COL5A1: variants seen among roughly 807,000 people sequenced by gnomAD.
The protein encoded by COL5A1 is collagen type V alpha 1 chain.
A neutral mutation model predicts 263.7 loss-of-function variants in COL5A1; 16 were observed. The observed-to-expected ratio is 0.06, with a 90% CI of 0.04 to 0.09. The LOEUF (loss-of-function observed/expected upper bound fraction) is 0.09. Ranked by LOEUF, COL5A1 falls within the 10% of genes least tolerant of loss-of-function variation. The pLI, the probability that COL5A1 is intolerant of heterozygous loss-of-function variation, is 1.00. For synonymous variants in COL5A1, 1,012 were observed against 1,004.5 expected (o/e 1.01, Z -0.14); for missense variants, 2,036 against 2,540.5 (o/e 0.80, Z 4.27).
intron 61 of COL5A1, among the ~76,000 whole-genome samples, chr9:134,823,913 TATG>T (rs1434730427): frequency 1.3e-5 from 2 of 149,254 alleles, no homozygotes; most frequent in Admixed American, 1.6e-4. Context: ...GTGGGGCACA[TATG>T]TGTGTGCATG....
chr9:134,664,812 A>C (rs1832309053), intron 1 of COL5A1, among the ~76,000 whole-genome samples: 1 of 152,210 alleles, frequency 6.6e-6, no homozygotes, highest in Admixed American at 6.5e-5. Flanking sequence ...CTATATTTCC[A>C]GCACTTTGGG....
intron 65 of COL5A1, among the ~76,000 whole-genome samples, chr9:134,839,673 C>T (rs1455976919): frequency 6.6e-6 from 1 of 152,162 alleles, no homozygotes; most frequent in African/African-American, 2.4e-5. Context: ...TGGGACTGGG[C>T]CAGGGAGCAG....
chr9:134,646,486 C>T (rs1831479125), intron 1 of COL5A1, among the ~76,000 whole-genome samples: 1 of 152,208 alleles, frequency 6.6e-6, no homozygotes, highest in African/African-American at 2.4e-5. Flanking sequence ...CACCGTGTCC[C>T]AGAGCTCTCC....
intron 1 of COL5A1, among the ~76,000 whole-genome samples, chr9:134,679,083 C>A (rs971579202): frequency 2.6e-5 from 4 of 152,214 alleles, no homozygotes; most frequent in African/African-American, 9.7e-5. Flanking sequence ...TACTTGACAC[C>A]CTTAAAGTGA....
intron 1 of COL5A1, among the ~76,000 whole-genome samples, chr9:134,670,766 A>G (rs1832516561): frequency 6.6e-6 from 1 of 152,170 alleles, no homozygotes; most frequent in Admixed American, 6.5e-5. Flanking sequence ...CATTCACTAG[A>G]TGCTCATTAC....
Position 134,654,707 on chromosome 9 carries a change from GTGTGTAGGGCTGTAGA to G in COL5A1, c.109+12424_109+12439del, listed in dbSNP as rs1257650334. Among the ~76,000 whole-genome samples, 17 of 140,988 alleles carry G rather than the reference GTGTGTAGGGCTGTAGA, an allele frequency of 1.2e-4. 1 individual carries two copies. The highest frequency in any genetic ancestry group is 2.7e-4 in the African/African-American group (10 of 37,396). 92.5% of individuals were successfully genotyped at this position (140,988 alleles called of 152,430 possible). ...AGAGCTGGTGTGTGTAGGGCTGTAGGTGTGTAGGGCTGTAGATGTGTAGGGCTGGGGTGTGTGTAGG... is the reference window on the plus strand; with the variant it reads ...AGAGCTGGTGTGTGTAGGGCTGTAGGTGTGTAGGGCTGGGGTGTGTGTAGG... On this transcript the variant is annotated intron_variant, in intron 1 of 65. Coordinates refer to ENST00000371817, the MANE Select transcript of COL5A1 (RefSeq NM_000093.5).
At position 134,765,102 on chromosome 9, in the gene COL5A1, G is replaced by A. The variant is rs1207735013; in HGVS notation, c.2035-579G>A. 1.3e-5 allele frequency among the ~76,000 whole-genome samples: 2 copies of A among 152,064 alleles called. No homozygotes were observed. The highest frequency in any genetic ancestry group is 2.9e-5 in the Non-Finnish European group (2 of 67,998). On this transcript the variant is annotated intron_variant, in intron 20 of 65. Transcript: ENST00000371817. The surrounding 1 kb of genome is among the most constrained non-coding windows in gnomAD (Gnocchi z 5.1). ...TGCACGAGCCTCGCCGACCGGAGAG[G>A]GCGTGCCAGCTCTTGCCCAGAGTAG... is the stretch of plus-strand genomic sequence containing the variant.
At position 134,842,378 on chromosome 9, in the gene COL5A1, C is replaced by A; in HGVS notation, c.*75C>A. 1 of 1,560,490 alleles carries A rather than the reference C, an allele frequency of 6.4e-7. No homozygotes were observed. Among genetic ancestry groups the A allele is most frequent in the Non-Finnish European group, 8.8e-7 (1 of 1,142,016 alleles). ...CATTCGTTCGTGAGTGTCCCGTGCACGTCCTGACCCTGGACAGTGAAGGCT... is the reference window on the plus strand; with the variant it reads ...CATTCGTTCGTGAGTGTCCCGTGCAAGTCCTGACCCTGGACAGTGAAGGCT... On this transcript the variant is annotated 3_prime_UTR_variant, in exon 66 of 66. Transcript: ENST00000371817. The surrounding 1 kb of genome is among the most constrained non-coding windows in gnomAD (Gnocchi z 5.8).
At chr9:134,777,306 G>A (rs1405198174) in intron 27 of COL5A1, among the ~76,000 whole-genome samples, 1 of 152,238 alleles carries the variant, frequency 6.6e-6, no homozygotes, top group Non-Finnish European at 1.5e-5. Context: ...CAGCCGTGCT[G>A]CAGCTCCTGA....
intron 29 of COL5A1, among the ~76,000 whole-genome samples, chr9:134,784,464 G>A (rs1837376394): frequency 6.6e-6 from 1 of 152,214 alleles, no homozygotes; most frequent in South Asian, 2.1e-4. Context: ...TGAGGAAGTT[G>A]GACGAGGCGG....
chr9:134,744,440 CAT>C (rs373195222), intron 11 of COL5A1, among the ~76,000 whole-genome samples: 83 of 152,010 alleles, frequency 5.5e-4, no homozygotes, highest in African/African-American at 9.7e-4. Flanking sequence ...CGCACACACT[CAT>C]GTGTACACGC....
chr9:134,756,870 G>A (rs1392190282), intron 17 of COL5A1, 52 bp downstream of exon 17: 5 of 1,570,614 alleles, frequency 3.2e-6, no homozygotes, highest in Non-Finnish European at 3.5e-6. Context: ...CATCCCTGGG[G>A]TCATGTTGAT....
intron 59 of COL5A1, among the ~76,000 whole-genome samples, chr9:134,822,611 C>T (rs1199771683): frequency 1.3e-5 from 2 of 152,036 alleles, no homozygotes; most frequent in Non-Finnish European, 2.9e-5. Context: ...TACACATGGC[C>T]CCCGGGGGCC....
rs535109209 is a variant in COL5A1, at chr9:134,793,329, C to T, written c.2701-1753C>T. ...GGGACTGTCCACTCCTTCCTAAGGG[C>T]AAGAAGACAGGTGCCCACAAGCAAT... On this transcript the variant is annotated intron_variant, in intron 32 of 65. Coordinates refer to ENST00000371817, the MANE Select transcript of COL5A1 (RefSeq NM_000093.5). Among the ~76,000 whole-genome samples, 254 of 152,072 alleles carry T rather than the reference C, an allele frequency of 1.7e-3. 9 individuals are homozygous for T. The South Asian group carries it at 0.051, about 30-fold the overall frequency.
chr9:134,757,801 C>T lies in COL5A1; in HGVS notation c.1882-442C>T, dbSNP rs954488000. 1.3e-5 allele frequency among the ~76,000 whole-genome samples: 2 copies of T among 152,116 alleles called. No individual in the cohort carries two copies. The highest frequency in any genetic ancestry group is 1.3e-4 in the Admixed American group (2 of 15,272). On this transcript the variant is annotated intron_variant, in intron 17 of 65. Transcript: ENST00000371817. This position sits in a 1 kb window ranked among gnomAD's most constrained non-coding sequence, Gnocchi z 6.2. ...TGCCTGAGGGTAGCCAGTGCTGGCC[C>T]GTCCACCAATGGGTACGCGTACCTC...
intron 38 of COL5A1, among the ~76,000 whole-genome samples, 185 bp from the exon 39 acceptor site, chr9:134,802,703 G>A (rs559577390): frequency 2.0e-4 from 31 of 152,352 alleles, no homozygotes; most frequent in African/African-American, 6.3e-4. Context: ...AGTGAGCAGC[G>A]TACCAACACC....
chr9:134,803,256 G>A (rs755520702), intron 39 of COL5A1, among the ~76,000 whole-genome samples: 1 of 152,188 alleles, frequency 6.6e-6, no homozygotes, highest in Non-Finnish European at 1.5e-5. Context: ...CTCCCCAGCT[G>A]CCAGCCCTGC....
At chr9:134,759,037 C>T (rs906223463) in intron 18 of COL5A1, among the ~76,000 whole-genome samples, 3 of 152,212 alleles carry the variant, frequency 2.0e-5, no homozygotes, top group Non-Finnish European at 4.4e-5. Flanking sequence ...TCGTCCTGGC[C>T]GCCTGCCCTG....
intron 27 of COL5A1, 70 bp from the exon 28 acceptor site, chr9:134,780,032 C>T (rs369841473): frequency 2.7e-5 from 42 of 1,564,292 alleles, no homozygotes; most frequent in Middle Eastern, 1.7e-4. Flanking sequence ...TGTCTTGACA[C>T]GCCTGCGACA....
Sources: gnomAD v4.1 joint callset for allele counts (sites outside exome capture counted in the v4.1 genomes callset) on GRCh38, gnomAD v4.1.1 for gene constraint, Gnocchi (gnomAD v3.1) non-coding constraint, MANE v1.5 for transcripts, NCBI Gene and HGNC (gene_info 2026-07-23, HGNC 2026-07-21) for gene names.